EXT2: variants seen among roughly 807,000 people sequenced by gnomAD.
EXT2 encodes exostosin glycosyltransferase 2, also known as exostosin-2.
A neutral mutation model predicts 81.6 loss-of-function variants in EXT2; 53 were observed. The ratio of observed to expected loss-of-function variants is 0.65; its 90% CI spans 0.52 to 0.82. The LOEUF (loss-of-function observed/expected upper bound fraction) is 0.82. EXT2 is among the 40% of genes least tolerant of loss of function. The pLI is 0.00. For missense variants in EXT2, 774 were observed against 910.2 expected (o/e 0.85, Z 1.93); for synonymous variants, 320 against 340.0 (o/e 0.94, Z 0.65).
chr11:44,235,922 G>T (rs914624325), intron 12 of EXT2, among the ~76,000 whole-genome samples: 43 of 152,200 alleles, frequency 2.8e-4, no homozygotes, highest in African/African-American at 1.0e-3. Flanking sequence ...TGGAACTAAG[G>T]TTACGGTGAA....
chr11:44,134,912 C>T (rs897921936), intron 7 of EXT2, among the ~76,000 whole-genome samples: 5 of 152,182 alleles, frequency 3.3e-5, no homozygotes, highest in Non-Finnish European at 7.4e-5. Flanking sequence ...ATCTTCTTTT[C>T]TCTCTAGCCT....
rs1176161932 is a variant in EXT2 at position 44,250,359 on chromosome 11, A to G, written c.*6072A>G. 6.6e-6 allele frequency among the ~76,000 whole-genome samples: 1 copy of G among 152,228 alleles called. No homozygotes were observed. Among genetic ancestry groups the G allele is most frequent in the Non-Finnish European group, 1.5e-5 (1 of 68,038 alleles). Reference sequence around the variant, plus strand: ...CAGTGACTTCCCTTGACCATGCCTTAGTTTCCTCAGCCAGAAATTGGAGAC... The same window carrying G: ...CAGTGACTTCCCTTGACCATGCCTTGGTTTCCTCAGCCAGAAATTGGAGAC... On this transcript the variant is annotated 3_prime_UTR_variant, in exon 14 of 14. Coordinates refer to ENST00000533608, the MANE Select transcript of EXT2 (RefSeq NM_207122.2).
At chr11:44,154,829 C>T (rs1006400130) in intron 7 of EXT2, among the ~76,000 whole-genome samples, 4 of 152,106 alleles carry the variant, frequency 2.6e-5, no homozygotes, top group African/African-American at 9.7e-5. Context: ...GGTTAAAAGC[C>T]ATTTTAACTA....
At chr11:44,137,659 T>C (rs540010800) in intron 7 of EXT2, among the ~76,000 whole-genome samples, 3 of 152,320 alleles carry the variant, frequency 2.0e-5, no homozygotes, top group African/African-American at 7.2e-5. Context: ...GAGTAGTATG[T>C]GGAATTTAGA....
rs1211422912 is a variant in EXT2, at chr11:44,095,843, C to G, written c.-40C>G. On this transcript the variant is annotated 5_prime_UTR_variant, in exon 1 of 14. Coordinates refer to ENST00000533608, the MANE Select transcript of EXT2 (RefSeq NM_207122.2). ...AGCTCGGGGCCGAGCGGGAGGCAGC[C>G]GTGGCCGAGGTAAGCGCGGCTCTCC... 3 of 173,462 alleles carry G rather than the reference C, an allele frequency of 1.7e-5. No individual in the cohort carries two copies. The highest frequency in any genetic ancestry group is 3.6e-5 in the Non-Finnish European group (3 of 83,286). 10.7% of individuals were successfully genotyped at this position (173,462 alleles called of 1,614,324 possible).
In EXT2 at chr11:44,243,951, C is replaced by T. The variant is rs192794473; in HGVS notation, c.2019-198C>T. Among the ~76,000 whole-genome samples, 308 of 152,270 alleles carry T rather than the reference C, an allele frequency of 2.0e-3. 1 individual carries two copies. Among genetic ancestry groups the T allele is most frequent in the African/African-American group, 7.0e-3 (291 of 41,558 alleles). ...AATAGTCCAAGTACCCCCAGTTCAC[C>T]GCTTTTTTCCACACCTGTCAACCTT... On this transcript the variant is annotated intron_variant, in intron 13 of 13. Coordinates refer to ENST00000533608, the MANE Select transcript of EXT2 (RefSeq NM_207122.2).
chr11:44,141,043 G>A (rs931606658), intron 7 of EXT2, among the ~76,000 whole-genome samples: 1 of 152,182 alleles, frequency 6.6e-6, no homozygotes, highest in African/African-American at 2.4e-5. Flanking sequence ...TTGTGGGGAA[G>A]AGTACAGTCA....
At chr11:44,118,137 A>G (rs1292152631) in intron 4 of EXT2, among the ~76,000 whole-genome samples, 1 of 152,246 alleles carries the variant, frequency 6.6e-6, no homozygotes, top group South Asian at 2.1e-4. Flanking sequence ...CTACAAAACT[A>G]ATAACATTCA....
At chr11:44,134,895 A>G (rs992832286) in intron 7 of EXT2, among the ~76,000 whole-genome samples, 4 of 152,308 alleles carry the variant, frequency 2.6e-5, no homozygotes, top group Middle Eastern at 3.4e-3. Context: ...TGGCAGAAAC[A>G]TTCAGCATCT....
rs137875255 is a variant in EXT2 at position 44,248,813 on chromosome 11, C to T, written c.*4526C>T. Among the ~76,000 whole-genome samples the T allele has an allele frequency of 3.5e-4, 54 of 152,270 alleles. No homozygotes were observed. The highest frequency in any genetic ancestry group is 5.7e-4 in the Non-Finnish European group (39 of 68,012). On this transcript the variant is annotated 3_prime_UTR_variant, in exon 14 of 14. Coordinates refer to ENST00000533608, the MANE Select transcript of EXT2 (RefSeq NM_207122.2). ...TGTCATTCTTTCAATTTCCGGCTCA[C>T]CATTGCTGGCAACAGTGGGAAGATG...
intron 10 of EXT2, among the ~76,000 whole-genome samples, chr11:44,224,857 G>A (rs1480531665): frequency 6.6e-6 from 1 of 152,152 alleles, no homozygotes; most frequent in East Asian, 1.9e-4. Context: ...TTTAAGTTGA[G>A]CCTCACCAAA....
At chr11:44,208,840 T>C (rs565100343) in intron 10 of EXT2, among the ~76,000 whole-genome samples, 17 of 152,362 alleles carry the variant, frequency 1.1e-4, no homozygotes, top group African/African-American at 3.8e-4. Context: ...TTTCTGACAC[T>C]GTGCTGCCTT....
intron 6 of EXT2, among the ~76,000 whole-genome samples, chr11:44,127,176 C>G (rs1484648483): frequency 1.3e-5 from 2 of 152,226 alleles, no homozygotes; most frequent in African/African-American, 2.4e-5. Flanking sequence ...TATTGAAACA[C>G]AGCCGTGTCC....
chr11:44,138,455 T>C (rs572012506), intron 7 of EXT2, among the ~76,000 whole-genome samples: 4 of 151,048 alleles, frequency 2.6e-5, no homozygotes, highest in African/African-American at 7.3e-5. Context: ...TGATGATTTG[T>C]TTTTTTTTCA....
At chr11:44,235,007 A>G (rs1264037260) in intron 12 of EXT2, among the ~76,000 whole-genome samples, 1 of 152,192 alleles carries the variant, frequency 6.6e-6, no homozygotes, top group East Asian at 1.9e-4. Context: ...AGCATTATCC[A>G]TTGATTCCTT....
At chr11:44,096,342 A>G (rs1173238676) in intron 1 of EXT2, 3 of 1,533,074 alleles carry the variant, frequency 2.0e-6, no homozygotes, top group Non-Finnish European at 2.6e-6. Flanking sequence ...GGCCAGGGGC[A>G]TGTTATGCCG....
chr11:44,127,861 T>C (rs1334049289), intron 6 of EXT2, among the ~76,000 whole-genome samples: 1 of 152,234 alleles, frequency 6.6e-6, no homozygotes, highest in Non-Finnish European at 1.5e-5. Context: ...GATGAAAGCT[T>C]AGAGACATTC....
At chr11:44,160,253 C>G (rs1041584619) in intron 7 of EXT2, among the ~76,000 whole-genome samples, 23 of 152,298 alleles carry the variant, frequency 1.5e-4, no homozygotes, top group African/African-American at 4.8e-4. Flanking sequence ...GTTTTCCTAC[C>G]CTGGCACTGG....
In EXT2 at chr11:44,216,960, A is replaced by G. The variant is rs560210677; in HGVS notation, c.1662+10001A>G. 3.4e-5 allele frequency among the ~76,000 whole-genome samples: 5 copies of G among 149,130 alleles called. No individual in the cohort carries two copies. In the South Asian group the frequency reaches 9.0e-4, roughly 27 times the overall value. On this transcript the variant is annotated intron_variant, in intron 10 of 13. Coordinates refer to ENST00000533608, the MANE Select transcript of EXT2 (RefSeq NM_207122.2). ...ATCATTGCACAAATAGATGATGCCA[A>G]TACACTATACTGGGATACACAAACA...
Sources: gnomAD v4.1 joint callset for allele counts (sites outside exome capture counted in the v4.1 genomes callset) on GRCh38, gnomAD v4.1.1 for gene constraint, MANE v1.5 for transcripts, NCBI Gene and HGNC (gene_info 2026-07-23, HGNC 2026-07-21) for gene names.